The following CAGE1 variants were observed in gnomAD, a reference collection of about 807,000 sequenced individuals.
CAGE1 encodes cancer-associated gene 1 protein.
A neutral mutation model predicts 94.9 loss-of-function variants in CAGE1; 66 were observed. The ratio of observed to expected loss-of-function variants is 0.70; its 90% confidence interval spans 0.57 to 0.85. CAGE1 has a LOEUF of 0.85. Among genes scored for constraint, CAGE1 ranks in the 40% least tolerant of loss-of-function variants. The pLI is 0.00. For missense variants in CAGE1, 865 were observed against 950.4 expected (o/e 0.91, Z 1.18); for synonymous variants, 319 against 321.0 (o/e 0.99, Z 0.07).
intron 5 of CAGE1, among the ~76,000 whole-genome samples, chr6:7,370,609 TA>T (rs1581690536): frequency 6.7e-6 from 1 of 148,592 alleles, no homozygotes; most frequent in Non-Finnish European, 1.5e-5. Context: ...AACAATTTTT[TA>T]AAAAAACAAT....
intron 1 of CAGE1, among the ~76,000 whole-genome samples, chr6:7,388,544 C>A (rs1474248047): frequency 6.6e-6 from 1 of 152,218 alleles, no homozygotes; most frequent in African/African-American, 2.4e-5. Flanking sequence ...ATATCCCCTA[C>A]TGCAAATGGA....
chr6:7,337,325 G>GAA (rs58144720), intron 11 of CAGE1, among the ~76,000 whole-genome samples: 24 of 81,568 alleles, frequency 2.9e-4, no homozygotes, highest in Middle Eastern at 6.7e-3. Flanking sequence ...AGACTGTCTC[G>GAA]AAAAAAAAAA....
At position 7,339,026 on chromosome 6, in the gene CAGE1, C is replaced by T; in HGVS notation, c.2370-4936G>A. 1 of 1,607,268 alleles carries T rather than the reference C, an allele frequency of 6.2e-7. No individual in the cohort carries two copies. The highest frequency in any genetic ancestry group is 8.5e-7 in the Non-Finnish European group (1 of 1,176,346). ...GCATGATCTTCACCTTGATGCCCAG[C>T]ACACTCTGTCTGAGCAACACATGGC... On this transcript the variant is annotated intron_variant, in intron 11 of 13. Transcript: ENST00000502583. This position sits in a 1 kb window ranked among gnomAD's most constrained non-coding sequence, Gnocchi z 4.7.
At position 7,373,363 on chromosome 6, in the gene CAGE1, A is replaced by C; in HGVS notation, c.1456T>G (p.Ser486Ala). Residue 486 changes from serine to alanine, a missense_variant, in exon 5 of 14, where the codon TCT becomes GCT. Transcript: ENST00000502583. Reference sequence around the variant, plus strand: ...AGTTTCTGGAATTCCTCCTGTAAAGACAAGAACTCTTGTTCTTGGGCCTCT... The same window carrying C: ...AGTTTCTGGAATTCCTCCTGTAAAGCCAAGAACTCTTGTTCTTGGGCCTCT... The part of the protein sequence containing the change: ...EKEAQEQEFL[S>A]LQEEFQKLEK... The C allele has an allele frequency of 6.2e-7, 1 of 1,613,640 alleles. No individual in the cohort carries two copies. Among genetic ancestry groups the C allele is most frequent in the Non-Finnish European group, 8.5e-7 (1 of 1,179,758 alleles).
At chr6:7,380,447 G>A (rs763567862) in intron 3 of CAGE1, among the ~76,000 whole-genome samples, 3 of 152,066 alleles carry the variant, frequency 2.0e-5, no homozygotes, top group Non-Finnish European at 4.4e-5. Context: ...GACCAGCCTG[G>A]TCAACATGGT....
At chr6:7,341,949 T>G (rs904041618) in intron 11 of CAGE1, 1 of 725,702 alleles carries the variant, frequency 1.4e-6, no homozygotes, top group African/African-American at 1.7e-5. Flanking sequence ...CTTGCAATCT[T>G]TCAGTCATCA....
chr6:7,373,306 GT>G lies in CAGE1; in HGVS notation c.1512del (p.Lys504AsnfsTer2), dbSNP rs764548102. On this transcript the variant is annotated frameshift_variant, in exon 5 of 14. Coordinates refer to ENST00000502583, the MANE Select transcript of CAGE1 (RefSeq NM_001170692.2). LOFTEE classifies it high-confidence loss of function. ...AGCAATTTCTCAAGTCTAGATTTCA[GT>G]TTCTGTCTTTCTTCCAGGTTTTCCT... The part of the protein sequence containing the change: ...LEKENLEERQ[K>X]LKSRLEKLLT... 2 of 1,607,194 alleles carry G rather than the reference GT, an allele frequency of 1.2e-6. No homozygotes were observed. Among genetic ancestry groups the G allele is most frequent in the South Asian group, 2.2e-5 (2 of 89,960 alleles).
chr6:7,349,063 C>T lies in CAGE1; in HGVS notation c.2369+5978G>A, dbSNP rs780610163. ...CCAAATACAAGAAGCACAAAAAACA[C>T]CTGGGAAATTCATCGCAAAAAGATC... On this transcript the variant is annotated intron_variant, in intron 11 of 13. Coordinates refer to ENST00000502583, the MANE Select transcript of CAGE1 (RefSeq NM_001170692.2). Among the ~76,000 whole-genome samples, 39 of 152,166 alleles carry T rather than the reference C, an allele frequency of 2.6e-4. 1 individual carries two copies. Among genetic ancestry groups the T allele is most frequent in the Non-Finnish European group, 1.3e-4 (9 of 68,030 alleles).
intron 13 of CAGE1, among the ~76,000 whole-genome samples, chr6:7,329,616 G>A (rs908745514): frequency 2.6e-5 from 4 of 152,192 alleles, no homozygotes; most frequent in Non-Finnish European, 5.9e-5. Context: ...ACAGGGGCTT[G>A]AAGGAGTAGC....
At chr6:7,377,367 A>C (rs1282624771) in intron 4 of CAGE1, among the ~76,000 whole-genome samples, 2 of 152,224 alleles carry the variant, frequency 1.3e-5, no homozygotes, top group Non-Finnish European at 2.9e-5. Context: ...AAATGCTGTC[A>C]TCTACTTTCA....
intron 11 of CAGE1, among the ~76,000 whole-genome samples, chr6:7,343,328 A>AG (rs1759264249): frequency 6.6e-6 from 1 of 152,234 alleles, no homozygotes; most frequent in South Asian, 2.1e-4. Flanking sequence ...TACAAGTTTT[A>AG]GGGGTAAACA....
intron 13 of CAGE1, among the ~76,000 whole-genome samples, chr6:7,328,925 TATATA>T (rs1205297163): frequency 2.2e-4 from 22 of 101,036 alleles, no homozygotes; most frequent in East Asian, 1.1e-3. Flanking sequence ...TGTGTATATA[TATATA>T]TATATTTTTT....
At chr6:7,376,428 AT>A (rs1393083777) in intron 4 of CAGE1, among the ~76,000 whole-genome samples, 35 of 150,482 alleles carry the variant, frequency 2.3e-4, no homozygotes, top group African/African-American at 6.8e-4. Context: ...AAATAAATAA[AT>A]AAATAAAATA....
At position 7,373,695 on chromosome 6, in the gene CAGE1, T is replaced by A. The variant is rs374283046; in HGVS notation, c.1124A>T (p.Lys375Met). Residue 375 changes from lysine (K) to methionine (M), a missense_variant, in exon 5 of 14, where the codon AAG becomes ATG. Transcript: ENST00000502583. ...IEDKYKIILE[K>M]NDTKKTLQNL... ...CTGCAATGTCTTTTTAGTATCATTC[T>A]TCTCTAGGATTATTTTGTATTTGTC... The A allele has an allele frequency of 7.4e-6, 12 of 1,612,672 alleles. No individual in the cohort carries two copies. The African/African-American group carries it at 1.3e-4, about 18-fold the overall frequency.
intron 13 of CAGE1, among the ~76,000 whole-genome samples, chr6:7,327,939 A>ATAAATAAATAAAT (rs1758593100): frequency 7.3e-6 from 1 of 136,440 alleles, no homozygotes. Flanking sequence ...TAAAAAATAA[A>ATAAATAAATAAAT]TAAATAAATA....
intron 11 of CAGE1, among the ~76,000 whole-genome samples, chr6:7,350,926 T>G (rs1156361905): frequency 6.6e-6 from 1 of 151,924 alleles, no homozygotes; most frequent in African/African-American, 2.4e-5. Flanking sequence ...CAGAACTAAA[T>G]TAAATTGAAA....
intron 13 of CAGE1, among the ~76,000 whole-genome samples, chr6:7,328,847 A>C (rs1485878950): frequency 1.3e-5 from 2 of 148,962 alleles, no homozygotes; most frequent in Non-Finnish European, 3.0e-5. Context: ...GTGCACATGC[A>C]TGGAAGTACT....
intron 5 of CAGE1, among the ~76,000 whole-genome samples, chr6:7,370,454 C>T (rs1389612712): frequency 2.6e-5 from 4 of 152,168 alleles, no homozygotes; most frequent in Middle Eastern, 3.4e-3. Flanking sequence ...CCACCACACT[C>T]GGCTAATTTT....
intron 1 of CAGE1, 42 bp downstream of exon 1, chr6:7,389,160 A>G: frequency 4.7e-6 from 2 of 426,070 alleles, no homozygotes; most frequent in South Asian, 1.6e-5. Flanking sequence ...CAAAAACTAT[A>G]GTTTTGTTTA....
Sources: allele counts gnomAD v4.1 joint callset (sites outside exome capture counted in the v4.1 genomes callset), GRCh38; gene constraint gnomAD v4.1.1; non-coding constraint Gnocchi (gnomAD v3.1); transcripts MANE v1.5; gene names NCBI Gene and HGNC (gene_info 2026-07-23, HGNC 2026-07-21).